The following VRK3 variants were observed in gnomAD, a reference collection of about 807,000 sequenced individuals.
VRK3 encodes serine/threonine-protein kinase VRK3.
VRK3 carries 50 observed loss-of-function variants against 60.4 expected under a neutral mutation model. The observed-to-expected ratio is 0.83, with a 90% CI of 0.66 to 1.05. The LOEUF is 1.05. Among genes scored for constraint, VRK3 ranks in the 50% least tolerant of loss-of-function variants. The pLI is 0.00. For synonymous variants in VRK3, 246 were observed against 227.8 expected, an observed-to-expected ratio of 1.08 and a Z score of -0.72; for missense variants, 549 against 585.3, an observed-to-expected ratio of 0.94 and a Z score of 0.64.
In VRK3 at chr19:50,025,300, C is replaced by T. The variant is rs1368659575; in HGVS notation, c.-98G>A. 6.6e-6 allele frequency: 1 copy of T among 152,314 alleles called. No homozygotes were observed. The allele number at this position is 152,314 out of a possible 1,614,324, so 9.4% of individuals were successfully genotyped here. A position where few individuals can be genotyped will look rare whatever the true frequency, so the allele number is the denominator to read the frequency against. ...TTGGGGACTGGGGTGGGATTCTGGGCTTCTGCAGCCTGACCCTCGGATCCT... is the reference window on the plus strand; with the variant it reads ...TTGGGGACTGGGGTGGGATTCTGGGTTTCTGCAGCCTGACCCTCGGATCCT... On this transcript the variant is annotated 5_prime_UTR_variant, in exon 1 of 15. Coordinates refer to ENST00000316763, the MANE Select transcript of VRK3 (RefSeq NM_016440.4).
At chr19:49,985,426 G>T (rs933807748) in intron 12 of VRK3, among the ~76,000 whole-genome samples, 1 of 152,210 alleles carries the variant, frequency 6.6e-6, no homozygotes, top group Non-Finnish European at 1.5e-5. Context: ...CTTTCCGCAG[G>T]GATGTTGGGG....
At position 49,994,930 on chromosome 19, in the gene VRK3, C is replaced by T. The variant is rs1237401210; in HGVS notation, c.765-11G>A. On this transcript the variant is annotated splice_polypyrimidine_tract_variant and intron_variant, in intron 8 of 14. Transcript: ENST00000316763. Reference sequence around the variant, plus strand: ...GGTAACACCAAGAACCTGGAAGACACAAGCACCCCAGGAGGTGGGAGATGA... The same window carrying T: ...GGTAACACCAAGAACCTGGAAGACATAAGCACCCCAGGAGGTGGGAGATGA... 1.2e-6 allele frequency: 2 copies of T among 1,612,378 alleles called. No homozygotes were observed. Among genetic ancestry groups the T allele is most frequent in the Non-Finnish European group, 1.7e-6 (2 of 1,179,102 alleles).
chr19:50,004,620 T>TCC (rs1318242066), intron 5 of VRK3, among the ~76,000 whole-genome samples: 13 of 152,218 alleles, frequency 8.5e-5, no homozygotes, highest in Non-Finnish European at 1.5e-4. Context: ...CACAGAGAGT[T>TCC]CCCAAAGTGT....
At chr19:50,007,277 A>G (rs557134671) in intron 5 of VRK3, among the ~76,000 whole-genome samples, 1 of 152,154 alleles carries the variant, frequency 6.6e-6, no homozygotes, top group African/African-American at 2.4e-5. Flanking sequence ...CCACGTGACA[A>G]TAGCAGGTAG....
intron 7 of VRK3, chr19:49,997,291 T>G (rs1320559558): frequency 2.0e-6 from 1 of 490,624 alleles, no homozygotes; most frequent in East Asian, 3.5e-5. Context: ...CCTGAAAATT[T>G]AATACTTGGC....
chr19:49,987,733 C>T (rs1178929486), intron 12 of VRK3: 2 of 137,724 alleles, frequency 1.5e-5, no homozygotes, highest in African/African-American at 2.9e-5. Flanking sequence ...GACGGAGTCT[C>T]GCTCTGTCGC....
At chr19:50,006,118 T>C (rs1019983814) in intron 5 of VRK3, among the ~76,000 whole-genome samples, 2 of 149,554 alleles carry the variant, frequency 1.3e-5, no homozygotes, top group Non-Finnish European at 2.9e-5. Flanking sequence ...ACACCCTGTC[T>C]CTACTAAAAA....
At chr19:50,022,534 C>T (rs1420691129) in intron 1 of VRK3, among the ~76,000 whole-genome samples, 1 of 152,098 alleles carries the variant, frequency 6.6e-6, no homozygotes, top group East Asian at 1.9e-4. Flanking sequence ...GCCTGTGATC[C>T]CAGCACTTTG....
rs138667907 is a variant in VRK3, at chr19:49,978,196, G to A, written c.*11+887C>T. Among the ~76,000 whole-genome samples the A allele has an allele frequency of 4.7e-3, 722 of 152,216 alleles. 4 individuals are homozygous for A. The highest frequency in any genetic ancestry group is 8.1e-3 in the Non-Finnish European group (553 of 68,006). On this transcript the variant is annotated intron_variant, in intron 14 of 14. Transcript: ENST00000316763. ...GCAGCATCCCGGCCTCCACTGTCCC[G>A]CATCCTGACAACCAAGTGTCTCCAG... is the stretch of plus-strand genomic sequence containing the variant.
intron 1 of VRK3, among the ~76,000 whole-genome samples, chr19:50,021,586 C>A (rs889111551): frequency 6.6e-6 from 1 of 152,226 alleles, no homozygotes; most frequent in Non-Finnish European, 1.5e-5. Flanking sequence ...CACTTAAACC[C>A]CAGCCTTCAA....
rs372767530 is a variant in VRK3, at chr19:50,013,210, G to A, written c.139+2814C>T. On this transcript the variant is annotated intron_variant, in intron 3 of 14. Coordinates refer to ENST00000316763, the MANE Select transcript of VRK3 (RefSeq NM_016440.4). ...AAAAAACACTCTGACTCTCAAGTTG[G>A]GCCAAGGCAAACGCTGTTCACATTT... Among the ~76,000 whole-genome samples the A allele has an allele frequency of 2.0e-4, 31 of 152,232 alleles. No individual in the cohort carries two copies. The South Asian group carries it at 3.5e-3, about 17-fold the overall frequency.
chr19:49,981,685 T>A, intron 12 of VRK3: 1 of 996,446 alleles, frequency 1.0e-6, no homozygotes, highest in African/African-American at 1.7e-5. Flanking sequence ...ATCCCTTTGA[T>A]GATGAGGAAA....
chr19:50,004,268 C>G (rs2076857396), intron 5 of VRK3, among the ~76,000 whole-genome samples: 1 of 152,040 alleles, frequency 6.6e-6, no homozygotes, highest in Non-Finnish European at 1.5e-5. Flanking sequence ...CCTTCTCCCT[C>G]TTCCTTCCCC....
intron 10 of VRK3, among the ~76,000 whole-genome samples, chr19:49,992,543 A>G (rs2076628993): frequency 6.6e-6 from 1 of 152,248 alleles, no homozygotes; most frequent in South Asian, 2.1e-4. Flanking sequence ...AATGAATATT[A>G]TTATCATGCT....
chr19:49,994,709 C>T (rs570442587), intron 9 of VRK3, 105 bp downstream of exon 9: 41 of 1,020,374 alleles, frequency 4.0e-5, no homozygotes, highest in South Asian at 2.0e-4. Flanking sequence ...CAGTGTGCAG[C>T]GGAGGGGGGT....
chr19:49,991,546 C>T (rs2076613130), intron 10 of VRK3, among the ~76,000 whole-genome samples: 1 of 152,134 alleles, frequency 6.6e-6, no homozygotes, highest in African/African-American at 2.4e-5. Flanking sequence ...CACACACACA[C>T]ACACCCTGCC....
At position 50,019,674 on chromosome 19, in the gene VRK3, C is replaced by CTTTTTTTTTTTT. The variant is rs568877003; in HGVS notation, c.-2+899_-2+910dup. On this transcript the variant is annotated intron_variant, in intron 2 of 14. Coordinates refer to ENST00000316763, the MANE Select transcript of VRK3 (RefSeq NM_016440.4). ...ACAGGCATGTGCCACCATGCCTGGC[C>CTTTTTTTTTTTT]TTTTTTTTTTTTTTTTTTTTTTTTT... Among the ~76,000 whole-genome samples the CTTTTTTTTTTTT allele has an allele frequency of 3.6e-4, 16 of 45,018 alleles. 3 individuals are homozygous for CTTTTTTTTTTTT. Among genetic ancestry groups the CTTTTTTTTTTTT allele is most frequent in the Non-Finnish European group, 4.1e-4 (9 of 22,006 alleles). The allele number at this position is 45,018 out of a possible 152,430, so 29.5% of individuals were successfully genotyped here. A position where few individuals can be genotyped will look rare whatever the true frequency, so the allele number is the denominator to read the frequency against.
intron 2 of VRK3, among the ~76,000 whole-genome samples, chr19:50,016,479 T>G (rs2077081267): frequency 6.6e-6 from 1 of 152,160 alleles, no homozygotes; most frequent in South Asian, 2.1e-4. Context: ...ATACCTCCTC[T>G]GCCTCCCCCT....
chr19:50,017,786 T>C (rs1212361024), intron 2 of VRK3, among the ~76,000 whole-genome samples: 2 of 151,986 alleles, frequency 1.3e-5, no homozygotes, highest in African/African-American at 4.8e-5. Context: ...TCTTCCCAGG[T>C]AGCTGGAACT....
Sources: allele counts gnomAD v4.1 joint callset (sites outside exome capture counted in the v4.1 genomes callset), GRCh38; gene constraint gnomAD v4.1.1; transcripts MANE v1.5; gene names NCBI Gene and HGNC (gene_info 2026-07-23, HGNC 2026-07-21).